The following PREX2 variants were observed in gnomAD, a reference collection of about 807,000 sequenced individuals.
PREX2 encodes the protein phosphatidylinositol-3,4,5-trisphosphate dependent Rac exchange factor 2.
Under a neutral mutation model 203.2 loss-of-function variants are expected in PREX2, and 107 were observed. The ratio of observed to expected loss-of-function variants is 0.53; its 90% confidence interval spans 0.45 to 0.62. The LOEUF is 0.62. PREX2 is among the 20% of genes least tolerant of loss of function. The pLI, the probability that PREX2 is intolerant of heterozygous loss-of-function variation, is 0.00. For missense variants in PREX2, 1,777 were observed against 1,955.9 expected (o/e 0.91, Z 1.72); for synonymous variants, 672 against 663.6 (o/e 1.01, Z -0.19).
At chr8:68,183,549 C>A (rs1353842221) in intron 35 of PREX2, among the ~76,000 whole-genome samples, 1 of 151,938 alleles carries the variant, frequency 6.6e-6, no homozygotes, top group Non-Finnish European at 1.5e-5. Context: ...TGTGTATATG[C>A]AGTATTTTAA....
At chr8:68,005,499 C>G (rs889763839) in intron 1 of PREX2, among the ~76,000 whole-genome samples, 11 of 152,192 alleles carry the variant, frequency 7.2e-5, no homozygotes, top group African/African-American at 2.4e-4. Flanking sequence ...ATGACCTGCC[C>G]TCACCTAACA....
At chr8:68,099,547 C>G in intron 22 of PREX2, 135 bp from the exon 23 acceptor site, 1 of 778,608 alleles carries the variant, frequency 1.3e-6, no homozygotes. Context: ...GGAAAGTTGC[C>G]CTGTATTGTT....
chr8:68,189,084 T>G (rs1266946264), intron 35 of PREX2, among the ~76,000 whole-genome samples: 1 of 152,198 alleles, frequency 6.6e-6, no homozygotes, highest in Non-Finnish European at 1.5e-5. Context: ...GTATTTGTAA[T>G]ATTTTATTTA....
At chr8:68,217,316 A>C (rs1055183185) in intron 37 of PREX2, among the ~76,000 whole-genome samples, 8 of 152,324 alleles carry the variant, frequency 5.3e-5, no homozygotes, top group Middle Eastern at 3.4e-3. Flanking sequence ...ATCATTAAAG[A>C]ATAATATTTA....
intron 1 of PREX2, among the ~76,000 whole-genome samples, chr8:67,966,355 A>G (rs541531476): frequency 1.3e-5 from 2 of 152,180 alleles, no homozygotes; most frequent in African/African-American, 2.4e-5. Flanking sequence ...GTATGTCACA[A>G]TTCAAAGTTC....
chr8:68,011,969 CTTTAAT>C (rs1005901494), intron 1 of PREX2, among the ~76,000 whole-genome samples: 8 of 152,074 alleles, frequency 5.3e-5, no homozygotes, highest in Non-Finnish European at 1.0e-4. Flanking sequence ...TAACTTTCAC[CTTTAAT>C]TTTAGTAATT....
intron 2 of PREX2, among the ~76,000 whole-genome samples, chr8:68,018,544 G>A (rs949733252): frequency 4.6e-5 from 7 of 152,048 alleles, no homozygotes; most frequent in East Asian, 1.9e-4. Flanking sequence ...GAGCTGAGCC[G>A]TATAAGAGGA....
chr8:68,116,847 T>C (rs1338084485), intron 26 of PREX2, among the ~76,000 whole-genome samples: 1 of 152,150 alleles, frequency 6.6e-6, no homozygotes, highest in East Asian at 1.9e-4. Flanking sequence ...CAAAATACTT[T>C]CCCTCCAAAC....
At position 67,952,391 on chromosome 8, in the gene PREX2, G is replaced by A. The variant is rs367860419; in HGVS notation, c.-4G>A. On this transcript the variant is annotated 5_prime_UTR_variant, in exon 1 of 40. Transcript: ENST00000288368. ...CAGCGCCGCGCTGCGCACCGCCGCC[G>A]ACCATGAGCGAGGACAGCCGCGGAG... is the stretch of plus-strand genomic sequence containing the variant. The A allele has an allele frequency of 6.5e-7, 1 of 1,539,974 alleles. No homozygotes were observed.
At chr8:68,139,316 C>T (rs6994582) in intron 33 of PREX2, among the ~76,000 whole-genome samples, 2 of 151,712 alleles carry the variant, frequency 1.3e-5, no homozygotes, top group Non-Finnish European at 2.9e-5. Context: ...GGAGTAATGG[C>T]GATATCGGAG....
intron 10 of PREX2, among the ~76,000 whole-genome samples, chr8:68,059,146 C>T (rs1391760091): frequency 6.6e-6 from 1 of 152,064 alleles, no homozygotes; most frequent in African/African-American, 2.4e-5. Context: ...CTTTGTTTCT[C>T]TAGCCAAAAA....
At position 68,022,049 on chromosome 8, in the gene PREX2, G is replaced by A. The variant is rs146218789; in HGVS notation, c.350G>A (p.Arg117His). 4.2e-4 allele frequency: 617 copies of A among 1,477,872 alleles called. 2 individuals are homozygous for A. The African/African-American group carries it at 7.2e-3, about 17-fold the overall frequency. The allele number at this position is 1,477,872 out of a possible 1,614,324, so 91.5% of individuals were successfully genotyped here. A position where few individuals can be genotyped will look rare whatever the true frequency, so the allele number is the denominator to read the frequency against. Residue 117 changes from arginine (R) to histidine (H), a missense_variant, in exon 4 of 40, where the codon CGT becomes CAT. Physicochemically the swap from Arg to His is conservative, Grantham distance 29. Transcript: ENST00000288368. ...ATGAATTCACAGAAAGACAAGTTTC[G>A]TATCTATGATGAATATTGTAGTAAC... ...TCFLHFKDKF[R>H]IYDEYCSNHE...
chr8:67,959,339 A>T lies in PREX2; in HGVS notation c.141+6804A>T, dbSNP rs535864998. Among the ~76,000 whole-genome samples, 117 of 152,308 alleles carry T rather than the reference A, an allele frequency of 7.7e-4. No homozygotes were observed. The Middle Eastern group carries it at 0.01, about 13-fold the overall frequency. On this transcript the variant is annotated intron_variant, in intron 1 of 39. Transcript: ENST00000288368. Reference sequence around the variant, plus strand: ...AGCTTCAGTAGAGCGTGTGAGCAAAAGCCAGACTGTCAGAACCAGTTGAGA... The same window carrying T: ...AGCTTCAGTAGAGCGTGTGAGCAAATGCCAGACTGTCAGAACCAGTTGAGA...
At chr8:68,032,441 C>T (rs188404302) in intron 6 of PREX2, among the ~76,000 whole-genome samples, 20 of 152,234 alleles carry the variant, frequency 1.3e-4, no homozygotes, top group East Asian at 1.9e-4. Context: ...ACAATGATTG[C>T]GAAAGACAGC....
chr8:68,008,926 C>T (rs932642739), intron 1 of PREX2, among the ~76,000 whole-genome samples: 9 of 151,974 alleles, frequency 5.9e-5, no homozygotes, highest in Admixed American at 2.0e-4. Context: ...ACCTTTTCTC[C>T]GGTATGTCTT....
chr8:68,095,827 G>A (rs542906164), intron 21 of PREX2, among the ~76,000 whole-genome samples: 2 of 151,990 alleles, frequency 1.3e-5, no homozygotes, highest in South Asian at 4.2e-4. Context: ...ATTTTTGATA[G>A]AGACAAGGTC....
chr8:68,004,003 G>A (rs773702532), intron 1 of PREX2, among the ~76,000 whole-genome samples: 3 of 151,888 alleles, frequency 2.0e-5, no homozygotes, highest in Non-Finnish European at 4.4e-5. Context: ...CGTGTGGCAC[G>A]TGCCACTACA....
chr8:67,974,968 C>T (rs1448986683), intron 1 of PREX2, among the ~76,000 whole-genome samples: 3 of 152,144 alleles, frequency 2.0e-5, no homozygotes, highest in Admixed American at 6.5e-5. Context: ...GAATTAGCTC[C>T]GGAATCCATC....
chr8:68,114,530 G>C (rs187121681), intron 25 of PREX2, among the ~76,000 whole-genome samples: 1 of 152,144 alleles, frequency 6.6e-6, no homozygotes, highest in African/African-American at 2.4e-5. Context: ...TTCCATTTTT[G>C]CCTAATTTTG....
Sources: allele counts gnomAD v4.1 joint callset (sites outside exome capture counted in the v4.1 genomes callset), GRCh38; gene constraint gnomAD v4.1.1; transcripts MANE v1.5; gene names NCBI Gene and HGNC (gene_info 2026-07-23, HGNC 2026-07-21).